CILK1: variants seen among roughly 807,000 people sequenced by gnomAD.
CILK1 encodes ciliogenesis associated kinase 1.
Under a neutral mutation model 79.2 loss-of-function variants are expected in CILK1, and 47 were observed. The observed-to-expected ratio is 0.59, with a 90% CI of 0.47 to 0.76. CILK1 has a LOEUF of 0.76. CILK1 is among the 30% of genes least tolerant of loss of function. The pLI, the probability that CILK1 is intolerant of heterozygous loss-of-function variation, is 0.00. For missense variants in CILK1, 660 were observed against 769.5 expected, an observed-to-expected ratio of 0.86 and a Z score of 1.68; for synonymous variants, 266 against 275.9, an observed-to-expected ratio of 0.96 and a Z score of 0.36.
chr6:53,009,012 C>T (rs1764404018), intron 12 of CILK1, among the ~76,000 whole-genome samples: 1 of 152,118 alleles, frequency 6.6e-6, no homozygotes. Flanking sequence ...TGTCCACCTT[C>T]CAACTAGAAG....
chr6:53,006,256 G>A, intron 13 of CILK1, 59 bp downstream of exon 13: 1 of 1,534,906 alleles, frequency 6.5e-7, no homozygotes, highest in South Asian at 1.1e-5. Context: ...CTGGCACAAA[G>A]CAGTTGTTGA....
rs1235309361 is a variant in CILK1, at chr6:53,002,138, A to T, written c.*3011T>A. On this transcript the variant is annotated 3_prime_UTR_variant, in exon 14 of 14. Coordinates refer to ENST00000676107, the MANE Select transcript of CILK1 (RefSeq NM_014920.5). Reference sequence around the variant, plus strand: ...TCTTCCTACATAAATCCTATCACACATGGGCTGGGTGAGGGCTTGGTAATT... The same window carrying T: ...TCTTCCTACATAAATCCTATCACACTTGGGCTGGGTGAGGGCTTGGTAATT... 1.3e-5 allele frequency: 2 copies of T among 152,250 alleles called. No individual in the cohort carries two copies. The highest frequency in any genetic ancestry group is 2.9e-5 in the Non-Finnish European group (2 of 68,042). The allele number at this position is 152,250 out of a possible 1,614,324, so 9.4% of individuals were successfully genotyped here.
rs150278516 is a variant in CILK1 at position 53,005,228 on chromosome 6, C to T, written c.1820G>A (p.Gly607Glu). 1.2e-6 allele frequency: 2 copies of T among 1,614,180 alleles called. No homozygotes were observed. The highest frequency in any genetic ancestry group is 2.2e-5 in the South Asian group (2 of 91,084). The stretch of plus-strand genomic sequence containing the variant: ...GGCGGCTGGAGGCCGTGGTATCAAC[C>T]CAGGAGTGCTTCTAGGCTGGGTGTG... ...FFHTQPRSTP[G>E]LIPRPPAAQP... is the part of the protein sequence containing the mutation. The change falls in exon 14 of 14, where the codon GGG (glycine) becomes GAG (glutamate). Residue 607 changes from glycine (G) to glutamate (E), a missense_variant. Coordinates refer to ENST00000676107, the MANE Select transcript of CILK1 (RefSeq NM_014920.5).
At chr6:53,020,147 G>C (rs924819559) in intron 5 of CILK1, among the ~76,000 whole-genome samples, 3 of 152,136 alleles carry the variant, frequency 2.0e-5, no homozygotes, top group African/African-American at 4.8e-5. Flanking sequence ...GAAGTACAAT[G>C]GTACATTTGC....
At chr6:53,011,533 AGGCTACAGTGAGCCAAGAT>A (rs1764569301) in intron 11 of CILK1, among the ~76,000 whole-genome samples, 1 of 152,172 alleles carries the variant, frequency 6.6e-6, no homozygotes, top group African/African-American at 2.4e-5. Context: ...CAGGAGGTGG[AGGCTACAGTGAGCCAAGAT>A]GGCGCCATTG....
intron 1 of CILK1, among the ~76,000 whole-genome samples, chr6:53,043,590 C>T (rs1766855770): frequency 6.6e-6 from 1 of 152,086 alleles, no homozygotes; most frequent in Admixed American, 6.5e-5. Flanking sequence ...TCCCTACAAC[C>T]TCCTTCAGTA....
chr6:53,057,555 G>A (rs1175019668), intron 1 of CILK1, among the ~76,000 whole-genome samples: 1 of 151,758 alleles, frequency 6.6e-6, no homozygotes, highest in Non-Finnish European at 1.5e-5. Flanking sequence ...TTTATCTTTT[G>A]GTTCAGAGGC....
In CILK1 at chr6:53,004,730, C is replaced by A. The variant is rs905661365; in HGVS notation, c.*419G>T. On this transcript the variant is annotated 3_prime_UTR_variant, in exon 14 of 14. Coordinates refer to ENST00000676107, the MANE Select transcript of CILK1 (RefSeq NM_014920.5). ...GAGTAAATAACCCTCTATCACATAG[C>A]CTTAAATTGCACCCCTGTTGCAATA... 1.6e-5 allele frequency: 3 copies of A among 190,092 alleles called. No individual in the cohort carries two copies. Among genetic ancestry groups the A allele is most frequent in the Non-Finnish European group, 3.3e-5 (3 of 90,502 alleles). 11.8% of individuals were successfully genotyped at this position (190,092 alleles called of 1,614,324 possible). A position where few individuals can be genotyped will look rare whatever the true frequency, so the allele number is the denominator to read the frequency against.
intron 1 of CILK1, among the ~76,000 whole-genome samples, chr6:53,046,366 T>G (rs946409541): frequency 9.9e-5 from 15 of 152,230 alleles, no homozygotes; most frequent in Non-Finnish European, 1.9e-4. Flanking sequence ...GGATAATTAA[T>G]GTCCCTTCCT....
At position 53,013,949 on chromosome 6, in the gene CILK1, G is replaced by A. The variant is rs1165386779; in HGVS notation, c.865C>T (p.Pro289Ser). The A allele has an allele frequency of 6.2e-7, 1 of 1,613,866 alleles. No individual in the cohort carries two copies. The highest frequency in any genetic ancestry group is 8.5e-7 in the Non-Finnish European group (1 of 1,179,998). ...AGGTTTTGTGTGGTGCTGCCTAGTG[G>A]GTGTCCAACTTGGAAGTAAGGATAT... ...LRYPYFQVGH[P>S]LGSTTQNLQD... The change falls in exon 9 of 14, where the codon CCA becomes TCA. Residue 289 changes from proline (P) to serine (S), a missense_variant. Physicochemically the swap from Pro to Ser is moderately conservative, Grantham distance 74. Coordinates refer to ENST00000676107, the MANE Select transcript of CILK1 (RefSeq NM_014920.5).
rs572311884 is a variant in CILK1, at chr6:53,028,961, G to A, written c.358+2104C>T. 2.6e-5 allele frequency among the ~76,000 whole-genome samples: 4 copies of A among 151,196 alleles called. No individual in the cohort carries two copies. The East Asian group carries it at 5.8e-4, about 22-fold the overall frequency. ...GTGGTCTATGTGTTTGTGTGTGTGT[G>A]TATATATATATATGCATACATTTGA... On this transcript the variant is annotated intron_variant, in intron 5 of 13. Transcript: ENST00000676107.
rs1764095205 is a variant in CILK1 at position 53,004,319 on chromosome 6, C to T, written c.*830G>A. On this transcript the variant is annotated 3_prime_UTR_variant, in exon 14 of 14. Coordinates refer to ENST00000676107, the MANE Select transcript of CILK1 (RefSeq NM_014920.5). ...TGTAAGTTTGATTGACTGTGTTAACCTTCATGTTGAGAGCCTTTTGAAGCA... is the reference window on the plus strand; with the variant it reads ...TGTAAGTTTGATTGACTGTGTTAACTTTCATGTTGAGAGCCTTTTGAAGCA... The T allele has an allele frequency of 1.3e-5, 2 of 152,148 alleles. No individual in the cohort carries two copies. The highest frequency in any genetic ancestry group is 1.3e-4 in the Admixed American group (2 of 15,278). 9.4% of individuals were successfully genotyped at this position (152,148 alleles called of 1,614,324 possible).
intron 13 of CILK1, among the ~76,000 whole-genome samples, chr6:53,005,796 C>A (rs1409493127): frequency 6.6e-6 from 1 of 152,158 alleles, no homozygotes; most frequent in Non-Finnish European, 1.5e-5. Context: ...CCACGTCACT[C>A]AGAATCCATG....
rs546537876 is a variant in CILK1, at chr6:53,006,825, G to T, written c.1622-388C>A. ...CATGTGAGTACATATAAATTCTAGA[G>T]TATGGCTAAACCATAATCCATTTAA... On this transcript the variant is annotated intron_variant, in intron 12 of 13. Coordinates refer to ENST00000676107, the MANE Select transcript of CILK1 (RefSeq NM_014920.5). 2.3e-3 allele frequency among the ~76,000 whole-genome samples: 355 copies of T among 152,276 alleles called. 5 individuals carry two copies. Among genetic ancestry groups the T allele is most frequent in the African/African-American group, 8.0e-3 (334 of 41,554 alleles).
chr6:53,010,145 T>A lies in CILK1; in HGVS notation c.1493-578A>T, dbSNP rs548946904. Among the ~76,000 whole-genome samples the A allele has an allele frequency of 2.6e-5, 4 of 152,334 alleles. No homozygotes were observed. The South Asian group carries it at 8.3e-4, about 32-fold the overall frequency. ...TGCTCCTTTTTGCCTGTGGTCACTGTAATTCGAGGCTTGGCCACTCATACT... is the reference window on the plus strand; with the variant it reads ...TGCTCCTTTTTGCCTGTGGTCACTGAAATTCGAGGCTTGGCCACTCATACT... On this transcript the variant is annotated intron_variant, in intron 11 of 13. Transcript: ENST00000676107.
At chr6:53,031,010 A>G (rs551857680) in intron 5 of CILK1, 55 bp downstream of exon 5, 1 of 1,218,460 alleles carries the variant, frequency 8.2e-7, no homozygotes, top group Admixed American at 1.7e-5. Context: ...TACAACTTCT[A>G]CTTGATAACA....
In CILK1 at chr6:53,014,372, A is replaced by C. The variant is rs370667824; in HGVS notation, c.832-390T>G. On this transcript the variant is annotated intron_variant, in intron 8 of 13. Coordinates refer to ENST00000676107, the MANE Select transcript of CILK1 (RefSeq NM_014920.5). ...AAATAATACAAAACTGAAAGAGCCA[A>C]ACATAATGATCCTGGAAGACTCTGA... is the stretch of plus-strand genomic sequence containing the variant. Among the ~76,000 whole-genome samples, 16 of 152,350 alleles carry C rather than the reference A, an allele frequency of 1.1e-4. No individual in the cohort carries two copies. In the South Asian group the frequency reaches 2.3e-3, roughly 22 times the overall value.
At chr6:53,005,370 C>T in intron 13 of CILK1, 67 bp from the exon 14 acceptor site, 2 of 1,550,080 alleles carry the variant, frequency 1.3e-6, no homozygotes, top group East Asian at 2.2e-5. Flanking sequence ...CAAATAAATG[C>T]ATTTTGGTGA....
intron 1 of CILK1, among the ~76,000 whole-genome samples, chr6:53,051,263 A>T (rs1399135979): frequency 6.6e-6 from 1 of 152,232 alleles, no homozygotes; most frequent in African/African-American, 2.4e-5. Context: ...TAAATAACAA[A>T]AAAAATTTTT....
Sources: gnomAD v4.1 joint callset for allele counts (sites outside exome capture counted in the v4.1 genomes callset) on GRCh38, gnomAD v4.1.1 for gene constraint, MANE v1.5 for transcripts, NCBI Gene and HGNC (gene_info 2026-07-23, HGNC 2026-07-21) for gene names.